The following KAZN variants were observed in gnomAD, a reference collection of about 807,000 sequenced individuals.
KAZN encodes the protein kazrin, periplakin interacting protein.
A neutral mutation model predicts 87.4 loss-of-function variants in KAZN; 40 were observed. That is an observed-to-expected ratio of 0.46 (90% CI 0.36 to 0.60). The LOEUF (loss-of-function observed/expected upper bound fraction) is 0.60, where lower values mean the gene tolerates loss of function less well. Ranked by LOEUF, KAZN falls within the 20% of genes least tolerant of loss-of-function variation. The probability of loss-of-function intolerance (pLI) is 0.00; values close to 1 mark genes in which losing one functional copy is unlikely to be tolerated. For synonymous variants in KAZN, 466 were observed against 458.3 expected (o/e 1.02, Z -0.22); for missense variants, 898 against 1,073.9 (o/e 0.84, Z 2.29).
intron 2 of KAZN, among the ~76,000 whole-genome samples, chr1:14,532,233 T>C (rs925469264): frequency 6.6e-6 from 1 of 151,944 alleles, no homozygotes; most frequent in Admixed American, 6.6e-5. Context: ...CAATGTCCCA[T>C]CCACCCCCTC....
intron 1 of KAZN, among the ~76,000 whole-genome samples, chr1:14,165,539 A>G (rs1645807395): frequency 6.6e-6 from 1 of 152,208 alleles, no homozygotes; most frequent in Non-Finnish European, 1.5e-5. Flanking sequence ...ACAAGGCTGC[A>G]TCTGGTCTTG....
intron 1 of KAZN, among the ~76,000 whole-genome samples, chr1:14,137,678 G>A (rs1009186412): frequency 6.2e-5 from 9 of 145,226 alleles, no homozygotes; most frequent in Non-Finnish European, 1.2e-4. Flanking sequence ...CTGGTGGTGA[G>A]TAAGCCTACA....
At chr1:14,527,237 G>C (rs1444484021) in intron 2 of KAZN, among the ~76,000 whole-genome samples, 2 of 152,112 alleles carry the variant, frequency 1.3e-5, no homozygotes, top group Non-Finnish European at 2.9e-5. Context: ...AAGAATACCT[G>C]AGGCTGAGTA....
At chr1:14,963,382 T>C (rs1664107804) in intron 2 of KAZN, among the ~76,000 whole-genome samples, 1 of 152,184 alleles carries the variant, frequency 6.6e-6, no homozygotes, top group Non-Finnish European at 1.5e-5. Flanking sequence ...GGAAAGTAAA[T>C]AACTTGACCA....
intron 2 of KAZN, among the ~76,000 whole-genome samples, chr1:14,194,439 A>G (rs1646484799): frequency 6.6e-6 from 1 of 152,220 alleles, no homozygotes; most frequent in South Asian, 2.1e-4. Flanking sequence ...CTGGACTGTT[A>G]CTTGCTCTTT....
intron 2 of KAZN, among the ~76,000 whole-genome samples, chr1:14,469,466 TGAAAC>T (rs1668331222): frequency 6.6e-6 from 1 of 152,142 alleles, no homozygotes; most frequent in African/African-American, 2.4e-5. Context: ...TTTTAAAAAA[TGAAAC>T]GGAAGGTTAT....
intron 1 of KAZN, among the ~76,000 whole-genome samples, chr1:14,142,505 T>G (rs2101771258): frequency 6.6e-6 from 1 of 152,326 alleles, no homozygotes. Flanking sequence ...AATACACACT[T>G]TACGTGCTAT....
intron 2 of KAZN, among the ~76,000 whole-genome samples, chr1:15,031,871 G>A (rs1466251008): frequency 1.3e-5 from 2 of 152,050 alleles, no homozygotes; most frequent in East Asian, 1.9e-4. Flanking sequence ...AGATCCCAAG[G>A]TGCTAGGATT....
chr1:15,033,758 TA>T (rs1671971270), intron 2 of KAZN, among the ~76,000 whole-genome samples: 1 of 152,262 alleles, frequency 6.6e-6, no homozygotes, highest in African/African-American at 2.4e-5. Context: ...TGTTTGTTTG[TA>T]ACAGAGTCTC....
intron 1 of KAZN, among the ~76,000 whole-genome samples, chr1:14,860,480 C>T (rs180871613): frequency 1.5e-3 from 232 of 152,308 alleles, no homozygotes; most frequent in Non-Finnish European, 2.8e-3. Context: ...CAGGCATGAG[C>T]CACCACGCCC....
rs540880203 is a variant in KAZN at position 14,563,874 on chromosome 1, C to CTTTTTTTTTTTTTTTTTTTTTTTTTTTT, written c.250-35095_250-35094insTTTTTTTTTTTTTTTTTTTTTTTTTTTT. On this transcript the variant is annotated intron_variant, in intron 2 of 16. Transcript: ENST00000636203. Reference sequence around the variant, plus strand: ...TGCACTCAGAGTATGGTTCAAACTCCTTTTTTTTTTTTTTGTCTGAGACAG... The same window carrying CTTTTTTTTTTTTTTTTTTTTTTTTTTTT: ...TGCACTCAGAGTATGGTTCAAACTCCTTTTTTTTTTTTTTTTTTTTTTTTTTTTTTTTTTTTTTTTTTGTCTGAGACAG... 1.9e-4 allele frequency among the ~76,000 whole-genome samples: 19 copies of CTTTTTTTTTTTTTTTTTTTTTTTTTTTT among 97,936 alleles called. 3 individuals carry two copies. Among genetic ancestry groups the CTTTTTTTTTTTTTTTTTTTTTTTTTTTT allele is most frequent in the Non-Finnish European group, 2.8e-4 (14 of 49,432 alleles). The allele number at this position is 97,936 out of a possible 152,430, so 64.2% of individuals were successfully genotyped here. A position where few individuals can be genotyped will look rare whatever the true frequency, so the allele number is the denominator to read the frequency against.
chr1:14,481,231 T>C (rs1241539603), intron 2 of KAZN, among the ~76,000 whole-genome samples: 1 of 152,190 alleles, frequency 6.6e-6, no homozygotes, highest in East Asian at 1.9e-4. Context: ...TCAGTTTTCA[T>C]ATCTACAAAG....
At chr1:14,366,523 G>A (rs566324161) in intron 2 of KAZN, among the ~76,000 whole-genome samples, 25 of 152,306 alleles carry the variant, frequency 1.6e-4, no homozygotes, top group African/African-American at 4.8e-4. Flanking sequence ...CAGCTGCTTC[G>A]GCGCCAGCAG....
intron 1 of KAZN, among the ~76,000 whole-genome samples, chr1:14,909,057 C>T (rs115139312): frequency 0.08 from 12,172 of 152,172 alleles, 539 homozygotes; most frequent in Middle Eastern, 0.14. Flanking sequence ...ATCATCTCAA[C>T]AGCAGTGTCC....
intron 2 of KAZN, among the ~76,000 whole-genome samples, chr1:14,213,131 G>A (rs16853797): frequency 6.6e-6 from 1 of 152,032 alleles, no homozygotes; most frequent in African/African-American, 2.4e-5. Context: ...TTATTTAAAG[G>A]CTATTTTAGC....
In KAZN at chr1:14,949,008, TTAGAAGGGCGTTG is replaced by T. The variant is rs1391983145; in HGVS notation, c.227-11672_227-11660del. 4.0e-5 allele frequency among the ~76,000 whole-genome samples: 6 copies of T among 151,772 alleles called. No homozygotes were observed. Among genetic ancestry groups the T allele is most frequent in the Non-Finnish European group, 7.4e-5 (5 of 68,000 alleles). On this transcript the variant is annotated intron_variant, in intron 1 of 14. Coordinates refer to ENST00000376030, the MANE Select transcript of KAZN (RefSeq NM_201628.3). This position sits in a 1 kb window ranked among gnomAD's most constrained non-coding sequence, Gnocchi z 4.3. ...GCTGTCTCTACAAAAAATACAAACATTAGAAGGGCGTTGTAGCACATGCCTGTAATCCCAGCTA... is the reference window on the plus strand; with the variant it reads ...GCTGTCTCTACAAAAAATACAAACATTAGCACATGCCTGTAATCCCAGCTA...
chr1:14,386,646 C>A (rs1206271840), intron 2 of KAZN, among the ~76,000 whole-genome samples: 2 of 152,164 alleles, frequency 1.3e-5, no homozygotes, highest in Admixed American at 6.5e-5. Flanking sequence ...TTGGCCCCCA[C>A]TCTCTTCTGG....
chr1:15,104,470 T>C (rs1641226151), intron 13 of KAZN, among the ~76,000 whole-genome samples: 1 of 152,146 alleles, frequency 6.6e-6, no homozygotes, highest in Non-Finnish European at 1.5e-5. Flanking sequence ...AGAGAAGAGA[T>C]AGCAAGCAGT....
intron 2 of KAZN, among the ~76,000 whole-genome samples, chr1:14,405,606 A>ATGTCTG (rs1553167635): frequency 9.5e-5 from 13 of 136,326 alleles, no homozygotes; most frequent in African/African-American, 3.5e-4. Flanking sequence ...ACCCAATAAA[A>ATGTCTG]TGTGTGTGTG....
Sources: gnomAD v4.1 joint callset for allele counts (sites outside exome capture counted in the v4.1 genomes callset) on GRCh38, gnomAD v4.1.1 for gene constraint, Gnocchi (gnomAD v3.1) non-coding constraint, MANE v1.5 for transcripts, NCBI Gene and HGNC (gene_info 2026-07-23, HGNC 2026-07-21) for gene names.